Variants in SHANK2 observed in about 807,000 individuals in gnomAD.
The protein encoded by SHANK2 is SH3 and multiple ankyrin repeat domains protein 2.
SHANK2 carries 43 observed loss-of-function variants against 133.7 expected under a neutral mutation model. The ratio of observed to expected loss-of-function variants is 0.32; its 90% CI spans 0.25 to 0.41. SHANK2 has a LOEUF of 0.41. SHANK2 is among the 10% of genes least tolerant of loss of function. The pLI, the probability that SHANK2 is intolerant of heterozygous loss-of-function variation, is 1.00. For missense variants in SHANK2, 1,994 were observed against 2,235.8 expected (o/e 0.89, Z 2.18); for synonymous variants, 1,017 against 952.8 (o/e 1.07, Z -1.24).
At chr11:71,131,549 T>A (rs1366645494) in intron 3 of SHANK2, among the ~76,000 whole-genome samples, 1 of 152,210 alleles carries the variant, frequency 6.6e-6, no homozygotes, top group Non-Finnish European at 1.5e-5. Flanking sequence ...AGAGGCTGCC[T>A]GTCTGTCTCT....
At chr11:70,848,166 C>T (rs528682465) in intron 11 of SHANK2, among the ~76,000 whole-genome samples, 12 of 152,320 alleles carry the variant, frequency 7.9e-5, no homozygotes, top group African/African-American at 2.2e-4. Context: ...GGAGGCTTAG[C>T]GACAGCAATC....
chr11:70,522,825 C>A (rs782515072), intron 17 of SHANK2, among the ~76,000 whole-genome samples: 1 of 152,198 alleles, frequency 6.6e-6, no homozygotes, highest in African/African-American at 2.4e-5. Context: ...ATTTGAGACT[C>A]GTGCAGAAGG....
chr11:70,596,932 C>G (rs1565162962), intron 17 of SHANK2, among the ~76,000 whole-genome samples: 2 of 152,142 alleles, frequency 1.3e-5, no homozygotes. Flanking sequence ...CTCCTATGGT[C>G]TATATCTATT....
intron 9 of SHANK2, among the ~76,000 whole-genome samples, chr11:71,069,435 ACCAT>A (rs1483252119): frequency 5.3e-5 from 8 of 152,064 alleles, no homozygotes; most frequent in African/African-American, 1.9e-4. Flanking sequence ...CATCATCACC[ACCAT>A]CATCAGCACC....
chr11:70,596,408 G>A (rs1326532738), intron 17 of SHANK2, among the ~76,000 whole-genome samples: 1 of 151,872 alleles, frequency 6.6e-6, no homozygotes, highest in African/African-American at 2.4e-5. Context: ...CAAGGGACAG[G>A]CCAGGGTGGG....
chr11:71,056,455 C>T (rs940083349), intron 10 of SHANK2, 26 bp downstream of exon 10: 33 of 152,226 alleles, frequency 2.2e-4, no homozygotes, highest in Non-Finnish European at 4.1e-4. Flanking sequence ...CACACACATC[C>T]TTCCTGATGC....
intron 17 of SHANK2, among the ~76,000 whole-genome samples, chr11:70,620,158 TG>T (rs2060809593): frequency 6.6e-6 from 1 of 151,930 alleles, no homozygotes; most frequent in South Asian, 2.1e-4. Context: ...ACCATCCTGG[TG>T]GGGGTTAGGG....
chr11:71,068,866 ACCAT>A (rs1951103608), intron 9 of SHANK2, among the ~76,000 whole-genome samples: 1 of 151,764 alleles, frequency 6.6e-6, no homozygotes, highest in Non-Finnish European at 1.5e-5. Context: ...CACTGTCATC[ACCAT>A]CATCATGATT....
chr11:70,582,190 C>T (rs2060193208), intron 17 of SHANK2, among the ~76,000 whole-genome samples: 1 of 152,228 alleles, frequency 6.6e-6, no homozygotes, highest in East Asian at 1.9e-4. Flanking sequence ...GAGAGGGGCT[C>T]CACCCCAGGG....
At chr11:70,728,795 C>T (rs932823662) in intron 14 of SHANK2, among the ~76,000 whole-genome samples, 22 of 152,342 alleles carry the variant, frequency 1.4e-4, no homozygotes, top group African/African-American at 5.3e-4. Context: ...TTCTCCTACG[C>T]ATGCCCTCTG....
rs2060012457 is a variant in SHANK2, at chr11:70,569,290, C to T, written c.2062-66359G>A. On this transcript the variant is annotated intron_variant, in intron 17 of 25. Transcript: ENST00000601538. The surrounding 1 kb of genome is among the most constrained non-coding windows in gnomAD (Gnocchi z 5.1). ...GTGGCTAAGCCATGCCGCTGGGGTC[C>T]TGGGGGGTCAGGCTCGGGAGCGTCT... Among the ~76,000 whole-genome samples the T allele has an allele frequency of 1.3e-5, 2 of 152,216 alleles. No homozygotes were observed. The highest frequency in any genetic ancestry group is 2.4e-5 in the African/African-American group (1 of 41,454).
intron 11 of SHANK2, among the ~76,000 whole-genome samples, chr11:70,848,253 G>A (rs954806681): frequency 5.9e-5 from 9 of 152,182 alleles, no homozygotes; most frequent in Non-Finnish European, 1.2e-4. Context: ...TACCAGCAAC[G>A]AGTTCCTATT....
chr11:70,741,705 G>A (rs745968663), intron 14 of SHANK2, among the ~76,000 whole-genome samples: 15 of 152,184 alleles, frequency 9.9e-5, no homozygotes, highest in Admixed American at 8.5e-4. Context: ...TTACCTCCTC[G>A]GAGAAGGAAG....
intron 17 of SHANK2, among the ~76,000 whole-genome samples, chr11:70,621,098 A>G (rs1224503298): frequency 2.0e-5 from 3 of 152,182 alleles, no homozygotes; most frequent in Admixed American, 1.3e-4. Context: ...AAGCTCAGGC[A>G]CCAAGGCACC....
chr11:70,710,897 C>T (rs965183370), intron 14 of SHANK2, among the ~76,000 whole-genome samples: 1 of 152,192 alleles, frequency 6.6e-6, no homozygotes, highest in African/African-American at 2.4e-5. Context: ...TTCTGCAGCA[C>T]AGGAAACGGA....
rs543808496 is a variant in SHANK2 at position 70,615,534 on chromosome 11, T to C, written c.2061+44294A>G. On this transcript the variant is annotated intron_variant, in intron 17 of 25. Coordinates refer to ENST00000601538, the MANE Select transcript of SHANK2 (RefSeq NM_012309.5). ...GGAGCTGCTTTCCAGGGTCCCTTAG[T>C]GGCGGCGCAAGGGAGCACATGCAGT... Among the ~76,000 whole-genome samples, 3 of 152,256 alleles carry C rather than the reference T, an allele frequency of 2.0e-5. No homozygotes were observed. In the South Asian group the frequency reaches 6.2e-4, roughly 32 times the overall value.
At chr11:70,954,583 C>T (rs1950890521) in intron 10 of SHANK2, among the ~76,000 whole-genome samples, 1 of 152,250 alleles carries the variant, frequency 6.6e-6, no homozygotes, top group South Asian at 2.1e-4. Flanking sequence ...CCCTCACTTT[C>T]ATGGGCTGAG....
At chr11:70,617,271 A>G (rs1326435812) in intron 17 of SHANK2, among the ~76,000 whole-genome samples, 1 of 151,528 alleles carries the variant, frequency 6.6e-6, no homozygotes, top group Non-Finnish European at 1.5e-5. Flanking sequence ...GTCAATGTCT[A>G]TGATGGTGTA....
chr11:71,083,916 T>C (rs1196678652), intron 8 of SHANK2, among the ~76,000 whole-genome samples: 10 of 151,742 alleles, frequency 6.6e-5, no homozygotes, highest in African/African-American at 1.9e-4. Context: ...CCATGATGCA[T>C]GGGTAATTTT....
Sources: gnomAD v4.1 joint callset for allele counts (sites outside exome capture counted in the v4.1 genomes callset) on GRCh38, gnomAD v4.1.1 for gene constraint, Gnocchi (gnomAD v3.1) non-coding constraint, MANE v1.5 for transcripts, NCBI Gene and HGNC (gene_info 2026-07-23, HGNC 2026-07-21) for gene names.